Variants in SEC63 observed in about 807,000 individuals in gnomAD.
SEC63 encodes the protein SEC63 protein translocation regulator, also known as translocation protein SEC63 homolog.
In SEC63, 56 loss-of-function variants were observed where a neutral mutation model predicts 116.2. The ratio of observed to expected loss-of-function variants is 0.48; its 90% CI spans 0.39 to 0.60. SEC63 has a LOEUF of 0.60. SEC63 is among the 20% of genes least tolerant of loss of function. SEC63 has a pLI of 0.00. For missense variants in SEC63, 668 were observed against 900.0 expected, an observed-to-expected ratio of 0.74 and a Z score of 3.30; for synonymous variants, 273 against 294.6, an observed-to-expected ratio of 0.93 and a Z score of 0.75.
intron 7 of SEC63, 57 bp from the exon 8 acceptor site, chr6:107,909,092 G>A (rs1787219204): frequency 5.9e-6 from 7 of 1,187,282 alleles, no homozygotes; most frequent in Non-Finnish European, 7.4e-6. Context: ...GATAGGCTGG[G>A]CGAGATGGCT....
At chr6:107,950,341 A>G (rs1338260002) in intron 1 of SEC63, among the ~76,000 whole-genome samples, 1 of 152,192 alleles carries the variant, frequency 6.6e-6, no homozygotes, top group Non-Finnish European at 1.5e-5. Context: ...TCAGACTTCA[A>G]TACACCCTCC....
At chr6:107,934,142 C>T (rs1248187708) in intron 1 of SEC63, among the ~76,000 whole-genome samples, 2 of 151,936 alleles carry the variant, frequency 1.3e-5, no homozygotes, top group Admixed American at 6.6e-5. Flanking sequence ...CCCGCCGCCA[C>T]CCCGTCTGGG....
chr6:107,878,798 T>C (rs1440117647), intron 18 of SEC63, among the ~76,000 whole-genome samples: 1 of 151,732 alleles, frequency 6.6e-6, no homozygotes, highest in African/African-American at 2.4e-5. Flanking sequence ...GAGGTTGCAG[T>C]GAGCCAAGAT....
chr6:107,883,326 A>C, intron 16 of SEC63, 180 bp from the exon 17 acceptor site: 1 of 652,050 alleles, frequency 1.5e-6, no homozygotes, highest in Non-Finnish European at 2.6e-6. Flanking sequence ...GAGTCAGACT[A>C]AAGAGTTTAA....
At chr6:107,914,172 T>C (rs1319186414) in intron 4 of SEC63, among the ~76,000 whole-genome samples, 2 of 152,146 alleles carry the variant, frequency 1.3e-5, no homozygotes, top group Non-Finnish European at 2.9e-5. Context: ...GTGAAGATGT[T>C]AAAAAGCATT....
At chr6:107,900,627 G>A (rs371160065) in intron 13 of SEC63, among the ~76,000 whole-genome samples, 19 of 152,194 alleles carry the variant, frequency 1.2e-4, no homozygotes, top group African/African-American at 3.4e-4. Flanking sequence ...CAGCCTGGAC[G>A]ACAGAGTGAG....
chr6:107,942,427 T>G lies in SEC63; in HGVS notation c.125-12913A>C, dbSNP rs140488165. On this transcript the variant is annotated intron_variant, in intron 1 of 20. Coordinates refer to ENST00000369002, the MANE Select transcript of SEC63 (RefSeq NM_007214.5). ...CAGTTCCCTGGAATAGAGGAGGCAC[T>G]ATATAAATATTTCTTGAGAATGATG... is the stretch of plus-strand genomic sequence containing the variant. Among the ~76,000 whole-genome samples, 466 of 152,352 alleles carry G rather than the reference T, an allele frequency of 3.1e-3. 3 individuals carry two copies. The highest frequency in any genetic ancestry group is 0.011 in the African/African-American group (437 of 41,586).
At chr6:107,887,285 A>G (rs1786553044) in intron 16 of SEC63, among the ~76,000 whole-genome samples, 3 of 146,276 alleles carry the variant, frequency 2.1e-5, no homozygotes. Flanking sequence ...GCTGCTATAA[A>G]GACACATGCA....
At chr6:107,893,054 G>A (rs1004295910) in intron 16 of SEC63, among the ~76,000 whole-genome samples, 8 of 150,384 alleles carry the variant, frequency 5.3e-5, no homozygotes, top group Admixed American at 2.7e-4. Flanking sequence ...CAATCCAAAC[G>A]TCGAACCACC....
Position 107,901,489 on chromosome 6 carries a change from A to G in SEC63, c.1238T>C (p.Val413Ala). The change falls in exon 13 of 21, where the codon GTG (valine) becomes GCG (alanine). Residue 413 changes from valine to alanine, a missense_variant. Transcript: ENST00000369002. ...KYKIKTIQDL[V>A]SLKESDRHTL... The stretch of plus-strand genomic sequence containing the variant: ...GTGACGATCTGATTCTTTTAAACTC[A>G]CCAAATCCTGGATAGTTTTAATTTT... 1 of 1,601,424 alleles carries G rather than the reference A, an allele frequency of 6.2e-7. No individual in the cohort carries two copies. The highest frequency in any genetic ancestry group is 8.6e-7 in the Non-Finnish European group (1 of 1,168,856).
At chr6:107,953,670 G>A (rs1387363822) in intron 1 of SEC63, among the ~76,000 whole-genome samples, 2 of 142,348 alleles carry the variant, frequency 1.4e-5, no homozygotes, top group Non-Finnish European at 3.1e-5. Flanking sequence ...CCTCTGCCCG[G>A]CCAGCCGCCC....
intron 1 of SEC63, among the ~76,000 whole-genome samples, chr6:107,930,758 G>A (rs1787788545): frequency 6.6e-6 from 1 of 152,106 alleles, no homozygotes; most frequent in Non-Finnish European, 1.5e-5. Flanking sequence ...ACTTTGGGAG[G>A]CTGAGGCAGG....
chr6:107,955,598 C>T (rs748495144), intron 1 of SEC63, among the ~76,000 whole-genome samples: 2 of 152,108 alleles, frequency 1.3e-5, no homozygotes, highest in Non-Finnish European at 2.9e-5. Context: ...TCAAGTATGA[C>T]TTGTTGGCAG....
chr6:107,935,157 G>C (rs531826142), intron 1 of SEC63, among the ~76,000 whole-genome samples: 3 of 147,488 alleles, frequency 2.0e-5, no homozygotes, highest in East Asian at 4.1e-4. Flanking sequence ...TGCCCCGTCC[G>C]GGAGGGAGGT....
At chr6:107,884,163 G>A (rs573684296) in intron 16 of SEC63, among the ~76,000 whole-genome samples, 20 of 151,506 alleles carry the variant, frequency 1.3e-4, no homozygotes, top group South Asian at 1.3e-3. Flanking sequence ...TCAGCTACTC[G>A]GGAGGCTCAG....
chr6:107,905,036 T>C (rs1583744651), intron 10 of SEC63, among the ~76,000 whole-genome samples: 1 of 152,158 alleles, frequency 6.6e-6, no homozygotes, highest in East Asian at 1.9e-4. Flanking sequence ...GGCAGGCAGA[T>C]CAACTAAATA....
intron 1 of SEC63, among the ~76,000 whole-genome samples, chr6:107,943,049 T>C (rs1770410282): frequency 6.6e-6 from 1 of 152,080 alleles, no homozygotes; most frequent in African/African-American, 2.4e-5. Flanking sequence ...CAAAGAAAAA[T>C]ACAAGAGAAC....
chr6:107,949,357 G>A (rs1310470112), intron 1 of SEC63, among the ~76,000 whole-genome samples: 1 of 152,126 alleles, frequency 6.6e-6, no homozygotes, highest in Non-Finnish European at 1.5e-5. Context: ...AAAAGAAAAT[G>A]AGATGTGAGC....
At chr6:107,935,180 C>A (rs1387427326) in intron 1 of SEC63, among the ~76,000 whole-genome samples, 114 of 150,716 alleles carry the variant, frequency 7.6e-4, no homozygotes, top group Non-Finnish European at 1.5e-3. Context: ...GGGGGTCAGC[C>A]CCCCGCCCGG....
Sources: gnomAD v4.1 joint callset for allele counts (sites outside exome capture counted in the v4.1 genomes callset) on GRCh38, gnomAD v4.1.1 for gene constraint, MANE v1.5 for transcripts, NCBI Gene and HGNC (gene_info 2026-07-23, HGNC 2026-07-21) for gene names.